The following ROBO1 variants were observed in gnomAD, a reference collection of about 807,000 sequenced individuals.
ROBO1 encodes roundabout homolog 1.
ROBO1 carries 149 observed loss-of-function variants against 195.9 expected under a neutral mutation model. That is an observed-to-expected ratio of 0.76 (90% CI 0.67 to 0.87). The LOEUF (loss-of-function observed/expected upper bound fraction) is 0.87, where lower values mean the gene tolerates loss of function less well. Ranked by LOEUF, ROBO1 falls within the 40% of genes least tolerant of loss-of-function variation. The probability of loss-of-function intolerance (pLI) is 0.00; values close to 1 mark genes in which losing one functional copy is unlikely to be tolerated. For missense variants in ROBO1, 1,933 were observed against 2,068.3 expected, an observed-to-expected ratio of 0.93 and a Z score of 1.27; for synonymous variants, 816 against 733.2, an observed-to-expected ratio of 1.11 and a Z score of -1.82.
chr3:79,635,991 C>T (rs1431941743), intron 1 of ROBO1, among the ~76,000 whole-genome samples: 1 of 152,054 alleles, frequency 6.6e-6, no homozygotes, highest in Admixed American at 6.6e-5. Context: ...CTTACTTTTG[C>T]CACTTCTGTT....
At chr3:79,746,308 T>A (rs1703874617) in intron 1 of ROBO1, among the ~76,000 whole-genome samples, 1 of 152,176 alleles carries the variant, frequency 6.6e-6, no homozygotes, top group South Asian at 2.1e-4. Flanking sequence ...ACATTAATTT[T>A]TAGAAGAAAA....
At chr3:79,655,396 A>G (rs1946129619) in intron 1 of ROBO1, among the ~76,000 whole-genome samples, 1 of 152,068 alleles carries the variant, frequency 6.6e-6, no homozygotes, top group South Asian at 2.1e-4. Flanking sequence ...GGAAATACAG[A>G]AACTAGAAAT....
intron 4 of ROBO1, among the ~76,000 whole-genome samples, chr3:78,856,094 A>G (rs2106924010): frequency 6.6e-6 from 1 of 151,998 alleles, no homozygotes; most frequent in Middle Eastern, 3.4e-3. Context: ...ATTACATTCT[A>G]AAAGGAAGAT....
intron 2 of ROBO1, among the ~76,000 whole-genome samples, chr3:79,201,337 T>C (rs935950088): frequency 6.6e-6 from 1 of 151,970 alleles, no homozygotes; most frequent in Non-Finnish European, 1.5e-5. Context: ...TTTCTGTCAG[T>C]AGAGAGAATA....
chr3:78,898,641 G>A (rs1044103692), intron 4 of ROBO1, among the ~76,000 whole-genome samples: 10 of 151,546 alleles, frequency 6.6e-5, no homozygotes, highest in East Asian at 3.9e-4. Flanking sequence ...TGCCCACCTC[G>A]GCCTCCCAAA....
At chr3:78,613,322 T>C (rs1392059458) in intron 28 of ROBO1, among the ~76,000 whole-genome samples, 1 of 152,104 alleles carries the variant, frequency 6.6e-6, no homozygotes, top group East Asian at 1.9e-4. Flanking sequence ...TTCTAGATAA[T>C]AAAATTTGAT....
intron 2 of ROBO1, among the ~76,000 whole-genome samples, chr3:79,219,918 A>G (rs1383033078): frequency 6.6e-6 from 1 of 152,086 alleles, no homozygotes; most frequent in South Asian, 2.1e-4. Context: ...CTTATGAGGT[A>G]CAAATGTAAG....
chr3:79,480,811 G>T (rs1176274758), intron 2 of ROBO1, among the ~76,000 whole-genome samples: 1 of 152,054 alleles, frequency 6.6e-6, no homozygotes, highest in Non-Finnish European at 1.5e-5. Context: ...TTACCTTCAT[G>T]GGACTATGGT....
chr3:79,289,649 C>G (rs748102115), intron 2 of ROBO1, among the ~76,000 whole-genome samples: 1 of 152,056 alleles, frequency 6.6e-6, no homozygotes, highest in Non-Finnish European at 1.5e-5. Flanking sequence ...TTATCTTTTA[C>G]CATTTTCTCA....
intron 1 of ROBO1, among the ~76,000 whole-genome samples, chr3:79,743,614 A>G (rs1703742266): frequency 1.3e-5 from 2 of 152,228 alleles, no homozygotes; most frequent in African/African-American, 4.8e-5. Context: ...AAACTTTTCA[A>G]TATGAATATT....
At chr3:79,751,981 G>A (rs1704147458) in intron 1 of ROBO1, among the ~76,000 whole-genome samples, 1 of 152,114 alleles carries the variant, frequency 6.6e-6, no homozygotes, top group African/African-American at 2.4e-5. Context: ...ATCACCTGTA[G>A]CAGGCACTAC....
intron 3 of ROBO1, among the ~76,000 whole-genome samples, chr3:78,955,936 T>C (rs1056668377): frequency 3.3e-5 from 5 of 152,168 alleles, no homozygotes; most frequent in African/African-American, 9.6e-5. Context: ...AGCAAACTAA[T>C]TGTATTCTTT....
At chr3:79,089,232 A>T (rs1248478239) in intron 3 of ROBO1, among the ~76,000 whole-genome samples, 4 of 152,140 alleles carry the variant, frequency 2.6e-5, no homozygotes, top group African/African-American at 9.6e-5. Context: ...CAACCAATAG[A>T]GAAAAGTATA....
At chr3:78,854,276 C>A (rs2034262793) in intron 4 of ROBO1, among the ~76,000 whole-genome samples, 1 of 147,254 alleles carries the variant, frequency 6.8e-6, no homozygotes, top group Admixed American at 6.8e-5. Context: ...TATACATAAT[C>A]AATATGATGT....
At chr3:78,617,477 A>C (rs1704177287) in intron 27 of ROBO1, among the ~76,000 whole-genome samples, 158 bp downstream of exon 27, 1 of 149,966 alleles carries the variant, frequency 6.7e-6, no homozygotes, top group Non-Finnish European at 1.5e-5. Context: ...ACTAAGTCAT[A>C]TTCTTGGACT....
intron 4 of ROBO1, among the ~76,000 whole-genome samples, chr3:78,837,942 CTT>C (rs1368996856): frequency 6.6e-6 from 1 of 152,176 alleles, no homozygotes; most frequent in Non-Finnish European, 1.5e-5. Flanking sequence ...AACCTACTAA[CTT>C]AATGTTAATA....
chr3:78,959,205 T>C (rs924898029), intron 3 of ROBO1, among the ~76,000 whole-genome samples: 4 of 152,196 alleles, frequency 2.6e-5, no homozygotes, highest in Admixed American at 6.6e-5. Context: ...ATTCAAATTG[T>C]CCTATGATAT....
At chr3:79,495,754 T>C (rs915536619) in intron 2 of ROBO1, among the ~76,000 whole-genome samples, 1 of 152,182 alleles carries the variant, frequency 6.6e-6, no homozygotes, top group Admixed American at 6.5e-5. Context: ...TCTTTCTGTA[T>C]CTCTTTTTCC....
At chr3:78,895,238 T>G (rs2037159529) in intron 4 of ROBO1, among the ~76,000 whole-genome samples, 1 of 152,140 alleles carries the variant, frequency 6.6e-6, no homozygotes, top group Admixed American at 6.5e-5. Context: ...CAGGCTTTCG[T>G]TGAAGACCAA....
Sources: gnomAD v4.1 joint callset for allele counts (sites outside exome capture counted in the v4.1 genomes callset) on GRCh38, gnomAD v4.1.1 for gene constraint, MANE v1.5 for transcripts, NCBI Gene and HGNC (gene_info 2026-07-23, HGNC 2026-07-21) for gene names.